TOP2B: variants seen among roughly 807,000 people sequenced by gnomAD.
The protein encoded by TOP2B is DNA topoisomerase II beta, also known as DNA topoisomerase 2-beta.
In TOP2B, 51 loss-of-function variants were observed where a neutral mutation model predicts 193.5. The observed-to-expected ratio is 0.26, with a 90% CI of 0.21 to 0.33. TOP2B has a LOEUF of 0.33. Ranked by LOEUF, TOP2B falls within the 10% of genes least tolerant of loss-of-function variation. The pLI is 1.00. For missense variants in TOP2B, 1,378 were observed against 1,909.3 expected (o/e 0.72, Z 5.19); for synonymous variants, 634 against 635.7 (o/e 1.00, Z 0.04).
chr3:25,632,885 G>C, intron 8 of TOP2B, 91 bp from the exon 9 acceptor site: 5 of 1,057,856 alleles, frequency 4.7e-6, no homozygotes, highest in Non-Finnish European at 5.6e-6. Flanking sequence ...TTTTCTAAAA[G>C]AGTAATAGAG....
chr3:25,630,684 A>T, intron 11 of TOP2B, 117 bp downstream of exon 11: 1 of 1,075,762 alleles, frequency 9.3e-7, no homozygotes, highest in Non-Finnish European at 1.3e-6. Flanking sequence ...TCAATGAAGT[A>T]AAATCATACT....
chr3:25,605,567 T>C (rs116303423), intron 32 of TOP2B, among the ~76,000 whole-genome samples: 2,046 of 152,138 alleles, frequency 0.013, 49 homozygotes, highest in African/African-American at 0.045. Flanking sequence ...ACCTTAAAAA[T>C]TCCATACACA....
At chr3:25,651,670 C>A (rs1049788327) in intron 1 of TOP2B, among the ~76,000 whole-genome samples, 1 of 151,908 alleles carries the variant, frequency 6.6e-6, no homozygotes, top group African/African-American at 2.4e-5. Flanking sequence ...GTTAAGAGAC[C>A]AGCATGGCCA....
intron 2 of TOP2B, among the ~76,000 whole-genome samples, chr3:25,644,259 G>C (rs1703348825): frequency 6.6e-6 from 1 of 152,072 alleles, no homozygotes; most frequent in South Asian, 2.1e-4. Flanking sequence ...TTCATCTATA[G>C]AGATAACAGT....
rs573879459 is a variant in TOP2B, at chr3:25,600,395, T to C, written c.4615+705A>G. Among the ~76,000 whole-genome samples, 5 of 152,364 alleles carry C rather than the reference T, an allele frequency of 3.3e-5. No individual in the cohort carries two copies. In the East Asian group the frequency reaches 9.6e-4, roughly 29 times the overall value. ...AGCATTTTTGAATTTATAAAGGCTT[T>C]CAATCCTGCATATCTTGAGTACTAC... On this transcript the variant is annotated intron_variant, in intron 34 of 35. Coordinates refer to ENST00000264331, the MANE Select transcript of TOP2B (RefSeq NM_001330700.2).
intron 21 of TOP2B, among the ~76,000 whole-genome samples, chr3:25,623,263 G>A (rs1702709892): frequency 6.6e-6 from 1 of 152,110 alleles, no homozygotes; most frequent in Non-Finnish European, 1.5e-5. Flanking sequence ...GGGTTTAGAG[G>A]TTTGAAAACC....
chr3:25,607,032 C>A, intron 31 of TOP2B, 139 bp downstream of exon 31: 3 of 1,256,592 alleles, frequency 2.4e-6, no homozygotes, highest in Non-Finnish European at 2.1e-6. Flanking sequence ...GGAACAGCTG[C>A]AATATTAACA....
Position 25,598,332 on chromosome 3 carries a change from T to A in TOP2B, c.4856A>T (p.Asp1619Val), listed in dbSNP as rs776082271. 2 of 1,609,880 alleles carry A rather than the reference T, an allele frequency of 1.2e-6. No homozygotes were observed. Among genetic ancestry groups the A allele is most frequent in the South Asian group, 2.2e-5 (2 of 89,948 alleles). ...YFAESDEEEDDVDFAMFN is the reference protein window; with the variant it reads ...YFAESDEEEDVVDFAMFN ...TTAATTAAACATTGCAAAATCAACATCATCTTCTTCTTCATCAGACTCTGC... is the reference window on the plus strand; with the variant it reads ...TTAATTAAACATTGCAAAATCAACAACATCTTCTTCTTCATCAGACTCTGC... Residue 1619 changes from aspartate to valine, a missense_variant, in exon 36 of 36, where the codon GAT (aspartate) becomes GTT (valine). Physicochemically the swap from Asp to Val is radical, Grantham distance 152. This residue lies in a region of TOP2B where 556 missense variants were observed against 584.2 expected (regional missense o/e 0.95). Coordinates refer to ENST00000264331, the MANE Select transcript of TOP2B (RefSeq NM_001330700.2).
At chr3:25,637,068 T>C in intron 6 of TOP2B, 147 bp downstream of exon 6, 1 of 642,208 alleles carries the variant, frequency 1.6e-6, no homozygotes, top group Non-Finnish European at 2.7e-6. Context: ...TGATGTCTCT[T>C]TACTCTGATG....
chr3:25,660,998 ATT>A (rs11460770), intron 1 of TOP2B, among the ~76,000 whole-genome samples: 15 of 131,426 alleles, frequency 1.1e-4, no homozygotes, highest in African/African-American at 1.1e-4. Context: ...TCTTAGGTTG[ATT>A]TTTTTTTTTT....
At chr3:25,637,157 C>T in intron 6 of TOP2B, 58 bp downstream of exon 6, 1 of 1,346,682 alleles carries the variant, frequency 7.4e-7, no homozygotes, top group East Asian at 2.5e-5. Flanking sequence ...GTTCTACTAT[C>T]TCGGCAAGAT....
chr3:25,637,355 T>G, intron 5 of TOP2B, 43 bp from the exon 6 acceptor site: 1 of 1,438,848 alleles, frequency 7.0e-7, no homozygotes, highest in Non-Finnish European at 9.5e-7. Flanking sequence ...AAAAATGATT[T>G]TAAAGGAACT....
intron 1 of TOP2B, among the ~76,000 whole-genome samples, chr3:25,649,809 C>T (rs1056397141): frequency 6.6e-6 from 1 of 152,080 alleles, no homozygotes; most frequent in African/African-American, 2.4e-5. Context: ...CACAAAAATA[C>T]ATAACTCCCT....
chr3:25,601,573 A>G (rs1488010709), intron 33 of TOP2B, among the ~76,000 whole-genome samples: 4 of 152,160 alleles, frequency 2.6e-5, no homozygotes, highest in African/African-American at 9.7e-5. Flanking sequence ...AGATTGCGCC[A>G]CTGCACTCCA....
In TOP2B at chr3:25,658,030, C is replaced by A; in HGVS notation, c.69+6199G>T. Among the ~76,000 whole-genome samples the A allele has an allele frequency of 1.9e-5, 2 of 106,222 alleles. 1 individual carries two copies. Among genetic ancestry groups the A allele is most frequent in the Admixed American group, 1.8e-4 (2 of 10,812 alleles). The allele number at this position is 106,222 out of a possible 152,430, so 69.7% of individuals were successfully genotyped here. A position where few individuals can be genotyped will look rare whatever the true frequency, so the allele number is the denominator to read the frequency against. ...GAGCCGAGATCCCGCCACTGCACTCCAGCCTGGGCGACAGAGCGAGACTCC... is the reference window on the plus strand; with the variant it reads ...GAGCCGAGATCCCGCCACTGCACTCAAGCCTGGGCGACAGAGCGAGACTCC... On this transcript the variant is annotated intron_variant, in intron 1 of 35. Coordinates refer to ENST00000264331, the MANE Select transcript of TOP2B (RefSeq NM_001330700.2).
At chr3:25,654,250 G>C (rs1703681179) in intron 1 of TOP2B, among the ~76,000 whole-genome samples, 1 of 152,124 alleles carries the variant, frequency 6.6e-6, no homozygotes, top group Non-Finnish European at 1.5e-5. Context: ...ATTTCAGCAA[G>C]TTGCAGGATA....
chr3:25,647,458 C>T, intron 1 of TOP2B, among the ~76,000 whole-genome samples: 1 of 152,026 alleles, frequency 6.6e-6, no homozygotes, highest in Non-Finnish European at 1.5e-5. Context: ...AGGTTGAAGA[C>T]ACATGATAAC....
At chr3:25,660,333 C>T (rs1703872343) in intron 1 of TOP2B, among the ~76,000 whole-genome samples, 1 of 152,114 alleles carries the variant, frequency 6.6e-6, no homozygotes, top group South Asian at 2.1e-4. Context: ...AAAATACATG[C>T]TCTCTAACTT....
At position 25,630,456 on chromosome 3, in the gene TOP2B, G is replaced by A. The variant is rs1305365873; in HGVS notation, c.1419C>T (p.Ser473=). The A allele has an allele frequency of 6.5e-7, 1 of 1,540,064 alleles. No homozygotes were observed. The highest frequency in any genetic ancestry group is 8.8e-7 in the Non-Finnish European group (1 of 1,142,266). ...CTGTTAATATCAGTGTACACTCCAG[G>A]GAATGTTTACCACCTGAGAGAAATT... ...DDANDAGGKH[S]LECTLILTEG... Residue 473 remains serine, a synonymous_variant, in exon 12 of 36, where the codon TCC becomes TCT. Transcript: ENST00000264331.
Sources: gnomAD v4.1 joint callset for allele counts (sites outside exome capture counted in the v4.1 genomes callset) on GRCh38, gnomAD v4.1.1 for gene constraint, gnomAD v4.1.1 regional missense constraint, MANE v1.5 for transcripts, NCBI Gene and HGNC (gene_info 2026-07-23, HGNC 2026-07-21) for gene names.